The following COL20A1 variants were observed in gnomAD, a reference collection of about 807,000 sequenced individuals.
COL20A1 encodes the protein collagen alpha-1(XX) chain.
COL20A1 carries 164 observed loss-of-function variants against 152.9 expected under a neutral mutation model. That is an observed-to-expected ratio of 1.07 (90% confidence interval 0.94 to 1.22). The LOEUF is 1.22. Among genes scored for constraint, COL20A1 ranks in the 50% most tolerant of loss-of-function variants. The pLI is 0.00. For missense variants in COL20A1, 1,873 were observed against 1,744.8 expected, an observed-to-expected ratio of 1.07 and a Z score of -1.31; for synonymous variants, 864 against 756.0, an observed-to-expected ratio of 1.14 and a Z score of -2.34.
Position 63,313,344 on chromosome 20 carries a change from C to T in COL20A1, c.2209+95C>T. ...CGCTGCACAGGCCCAGGACCCTAGA[C>T]TCCCAGAACTGCTGGCTCCAGAGCC... On this transcript the variant is annotated intron_variant, in intron 17 of 35. Transcript: ENST00000358894. The surrounding 1 kb of genome is among the most constrained non-coding windows in gnomAD (Gnocchi z 5.9). The T allele has an allele frequency of 1.5e-6, 2 of 1,336,278 alleles. No individual in the cohort carries two copies. Among genetic ancestry groups the T allele is most frequent in the Non-Finnish European group, 1.0e-6 (1 of 982,292 alleles). 82.8% of individuals were successfully genotyped at this position (1,336,278 alleles called of 1,614,324 possible). A position where few individuals can be genotyped will look rare whatever the true frequency, so the allele number is the denominator to read the frequency against.
chr20:63,322,142 G>C, intron 27 of COL20A1, 31 bp downstream of exon 27: 1 of 1,476,156 alleles, frequency 6.8e-7, no homozygotes, highest in Non-Finnish European at 9.0e-7. Flanking sequence ...GGAGGTGAGG[G>C]GCCTGGATCG....
Position 63,312,464 on chromosome 20 carries a change from C to T in COL20A1, c.1848C>T (p.Leu616=), listed in dbSNP as rs767908698. 6.2e-6 allele frequency: 10 copies of T among 1,608,076 alleles called. No individual in the cohort carries two copies. The highest frequency in any genetic ancestry group is 7.6e-6 in the Non-Finnish European group (9 of 1,178,608). The change falls in exon 15 of 36, where the codon CTC becomes CTT. Residue 616 remains leucine (L), a synonymous_variant. Transcript: ENST00000358894. ...GNATSATLGP[L]SSSTTYTVRV... ...CCACCTCGGCCACGCTGGGGCCTCT[C>T]TCTTCCTCCACCACCTACACTGTCC...
At position 63,318,283 on chromosome 20, in the gene COL20A1, C is replaced by T. The variant is rs1240442219; in HGVS notation, c.2664-775C>T. ...GCTCCTGAGGTGGCATCACAGGTGC[C>T]CAGGCCCCAGACCAGTCTGCTCTCG... On this transcript the variant is annotated intron_variant, in intron 21 of 35. Transcript: ENST00000358894. 2.0e-5 allele frequency among the ~76,000 whole-genome samples: 3 copies of T among 152,180 alleles called. No individual in the cohort carries two copies. In the South Asian group the frequency reaches 6.2e-4, roughly 32 times the overall value.
At chr20:63,299,844 CGT>C (rs143733049) in intron 3 of COL20A1, among the ~76,000 whole-genome samples, 5,771 of 150,494 alleles carry the variant, frequency 0.038, 164 homozygotes, top group Non-Finnish European at 0.055. Flanking sequence ...TGTATATATA[CGT>C]GTGTGTGTAT....
intron 21 of COL20A1, among the ~76,000 whole-genome samples, chr20:63,317,358 C>G (rs571848468): frequency 6.6e-6 from 1 of 151,112 alleles, no homozygotes; most frequent in Non-Finnish European, 1.5e-5. Context: ...CCCAGCTACT[C>G]GGGAGGCTGA....
intron 9 of COL20A1, 124 bp from the exon 10 acceptor site, chr20:63,309,634 C>T (rs2067977721): frequency 1.2e-5 from 15 of 1,240,042 alleles, no homozygotes; most frequent in African/African-American, 3.0e-5. Context: ...CACCCCCTTA[C>T]ATCTGTCCAC....
At position 63,328,372 on chromosome 20, in the gene COL20A1, CCCCCCATG is replaced by C. The variant is rs761463033; in HGVS notation, c.3659_3666del (p.Pro1220HisfsTer11). ...CGACTCCTTCCACGAGAACACCAGG[CCCCCCATG>C]CCCATCTTGGAGCAGAAGCTGGAGC... is the stretch of plus-strand genomic sequence containing the variant. On this transcript the variant is annotated frameshift_variant, in exon 34 of 36. Transcript: ENST00000358894. LOFTEE classifies it high-confidence loss of function. 7 of 1,612,518 alleles carry C rather than the reference CCCCCCATG, an allele frequency of 4.3e-6. No homozygotes were observed. The highest frequency in any genetic ancestry group is 4.0e-5 in the African/African-American group (3 of 75,048).
At chr20:63,327,129 C>T (rs2068262348) in intron 31 of COL20A1, 1 of 324,724 alleles carries the variant, frequency 3.1e-6, no homozygotes, top group Non-Finnish European at 5.6e-6. Context: ...TCCTGTTTAC[C>T]ACTCAGGGAC....
At position 63,325,386 on chromosome 20, in the gene COL20A1, C is replaced by G. The variant is rs746562222; in HGVS notation, c.3295-55C>G. 6.7e-6 allele frequency: 9 copies of G among 1,351,312 alleles called. No individual in the cohort carries two copies. In the Admixed American group the frequency reaches 1.0e-4, roughly 16 times the overall value. 83.7% of individuals were successfully genotyped at this position (1,351,312 alleles called of 1,614,324 possible). On this transcript the variant is annotated intron_variant, in intron 27 of 35. Coordinates refer to ENST00000358894, the MANE Select transcript of COL20A1 (RefSeq NM_020882.4). ...TGTGGTAGGTGTCACTCCTTCCCTG[C>G]CCTCCTGCCCTGTGCCCCCTCCGCT...
In COL20A1 at chr20:63,315,502, G is replaced by C. The variant is rs1237364078; in HGVS notation, c.2524+63G>C. ...AGTCTCTCGGGCTCTTCCTGGGCGT[G>C]GGGGCCAAGGGTGTCGTGACCTGGG... On this transcript the variant is annotated intron_variant, in intron 20 of 35. Transcript: ENST00000358894. The C allele has an allele frequency of 2.8e-6, 4 of 1,423,476 alleles. No homozygotes were observed. In the African/African-American group the frequency reaches 5.7e-5, roughly 20 times the overall value. The allele number at this position is 1,423,476 out of a possible 1,614,324, so 88.2% of individuals were successfully genotyped here.
At chr20:63,314,870 C>G (rs562686743) in intron 19 of COL20A1, among the ~76,000 whole-genome samples, 1 of 129,536 alleles carries the variant, frequency 7.7e-6, no homozygotes, top group Non-Finnish European at 1.7e-5. Context: ...CCAGGACACG[C>G]GTGCCCCCAG....
intron 31 of COL20A1, 63 bp downstream of exon 31, chr20:63,326,886 A>T: frequency 1.7e-6 from 2 of 1,178,086 alleles, no homozygotes; most frequent in Non-Finnish European, 2.3e-6. Flanking sequence ...TGCAAGCCCC[A>T]CATGCAACCA....
chr20:63,309,189 G>T, intron 8 of COL20A1, 144 bp from the exon 9 acceptor site: 1 of 568,398 alleles, frequency 1.8e-6, no homozygotes, highest in Non-Finnish European at 2.8e-6. Flanking sequence ...GGAGCGCCTG[G>T]CCCAGCATGT....
intron 7 of COL20A1, 142 bp downstream of exon 7, chr20:63,308,232 T>G (rs2067955920): frequency 3.9e-6 from 4 of 1,035,710 alleles, no homozygotes; most frequent in Non-Finnish European, 5.6e-6. Flanking sequence ...GAGGGCAGAG[T>G]CACCCCCTTG....
Position 63,319,128 on chromosome 20 carries a change from C to G in COL20A1, c.2734C>G (p.Pro912Ala). Residue 912 changes from proline to alanine, a missense_variant, in exon 22 of 36, where the codon CCC becomes GCC. Physicochemically the swap from Pro to Ala is conservative, Grantham distance 27 (BLOSUM62 -1). Transcript: ENST00000358894. The surrounding 1 kb of genome is among the most constrained non-coding windows in gnomAD (Gnocchi z 4.4). ...VFLVRLLPET[P>A]REAFALWQMT... ...CCTTGTGCGCCTACTTCCCGAGACA[C>G]CCCGTGAGGCCTTCGCGCTGTGGCA... 1 of 1,613,276 alleles carries G rather than the reference C, an allele frequency of 6.2e-7. No homozygotes were observed. The highest frequency in any genetic ancestry group is 8.5e-7 in the Non-Finnish European group (1 of 1,179,736).
chr20:63,307,686 G>A (rs2067945414), intron 6 of COL20A1, 38 bp downstream of exon 6: 2 of 1,594,582 alleles, frequency 1.3e-6, no homozygotes, highest in Non-Finnish European at 8.6e-7. Context: ...CCCCACCCGG[G>A]TGTGGTCCCC....
At chr20:63,294,973 G>C (rs1183254665) in intron 1 of COL20A1, 125 bp from the exon 2 acceptor site, 3 of 630,228 alleles carry the variant, frequency 4.8e-6, no homozygotes, top group Non-Finnish European at 8.4e-6. Context: ...ACACATGTGA[G>C]GGGTGGAGCC....
intron 34 of COL20A1, among the ~76,000 whole-genome samples, chr20:63,328,758 G>C (rs2068291895): frequency 6.6e-6 from 1 of 152,178 alleles, no homozygotes. Flanking sequence ...CAGGAAACAT[G>C]AGCTGCCTGC....
rs901558599 is a variant in COL20A1 at position 63,334,088 on chromosome 20, A to G, written c.*3372A>G. ...AGAACTCCTTGCCCAGTGGAGAAAC[A>G]CTCTCCTCTCATGTGTGGAATATCC... On this transcript the variant is annotated 3_prime_UTR_variant, in exon 36 of 36. Coordinates refer to ENST00000358894, the MANE Select transcript of COL20A1 (RefSeq NM_020882.4). 2 of 151,820 alleles carry G rather than the reference A, an allele frequency of 1.3e-5. No individual in the cohort carries two copies. The highest frequency in any genetic ancestry group is 2.9e-5 in the Non-Finnish European group (2 of 67,984). The allele number at this position is 151,820 out of a possible 1,614,324, so 9.4% of individuals were successfully genotyped here.
Sources: gnomAD v4.1 joint callset for allele counts (sites outside exome capture counted in the v4.1 genomes callset) on GRCh38, gnomAD v4.1.1 for gene constraint, Gnocchi (gnomAD v3.1) non-coding constraint, MANE v1.5 for transcripts, NCBI Gene and HGNC (gene_info 2026-07-23, HGNC 2026-07-21) for gene names.